NSD1: variants seen among roughly 807,000 people sequenced by gnomAD.
NSD1 encodes the protein histone-lysine N-methyltransferase, H3 lysine-36 specific.
A neutral mutation model predicts 242.7 loss-of-function variants in NSD1; 26 were observed. That is an observed-to-expected ratio of 0.11 (90% confidence interval 0.08 to 0.15). The LOEUF is 0.15. Among genes scored for constraint, NSD1 ranks in the 10% least tolerant of loss-of-function variants. NSD1 has a pLI of 1.00. For missense variants in NSD1, 2,495 were observed against 3,272.8 expected (o/e 0.76, Z 5.80); for synonymous variants, 1,106 against 1,178.1 (o/e 0.94, Z 1.25).
Position 177,256,563 on chromosome 5 carries a change from G to A in NSD1, c.4766-388G>A, listed in dbSNP as rs769452274. Among the ~76,000 whole-genome samples the A allele has an allele frequency of 2.2e-4, 33 of 152,198 alleles. 1 individual carries two copies. Among genetic ancestry groups the A allele is most frequent in the Non-Finnish European group, 1.0e-4 (7 of 68,032 alleles). On this transcript the variant is annotated intron_variant, in intron 12 of 22. Coordinates refer to ENST00000439151, the MANE Select transcript of NSD1 (RefSeq NM_022455.5). ...CTCCTGAAGTGCTGGGATTGTAGGCGTGAGCCTCCTCTCCCAGCCCAACTT... is the reference window on the plus strand; with the variant it reads ...CTCCTGAAGTGCTGGGATTGTAGGCATGAGCCTCCTCTCCCAGCCCAACTT...
intron 14 of NSD1, among the ~76,000 whole-genome samples, chr5:177,260,788 G>GA (rs547794452): frequency 1.3e-4 from 20 of 148,706 alleles, no homozygotes; most frequent in East Asian, 1.2e-3. Flanking sequence ...CTCACCATCA[G>GA]AAAAAAAAAA....
intron 17 of NSD1, 82 bp from the exon 18 acceptor site, chr5:177,280,483 G>GA (rs1562292565): frequency 2.6e-6 from 4 of 1,542,940 alleles, no homozygotes; most frequent in East Asian, 2.2e-5. Context: ...CAACTTCAAG[G>GA]AAAAAAAGTT....
chr5:177,148,743 A>G (rs1319088094), intron 2 of NSD1, among the ~76,000 whole-genome samples: 4 of 151,946 alleles, frequency 2.6e-5, no homozygotes, highest in Admixed American at 2.6e-4. Context: ...CAGTTTTATA[A>G]GAAACTACCA....
At chr5:177,283,630 G>A (rs1418287419) in intron 19 of NSD1, among the ~76,000 whole-genome samples, 157 bp from the exon 20 acceptor site, 1 of 152,154 alleles carries the variant, frequency 6.6e-6, no homozygotes, top group African/African-American at 2.4e-5. Flanking sequence ...GCTGGTCCAG[G>A]GATCACACTT....
At chr5:177,273,896 G>A in intron 17 of NSD1, 112 bp downstream of exon 17, 1 of 733,098 alleles carries the variant, frequency 1.4e-6, no homozygotes, top group Non-Finnish European at 2.4e-6. Context: ...TTTAGGTAGA[G>A]GTATGAGCTT....
At chr5:177,220,150 C>T (rs1364353716) in intron 5 of NSD1, among the ~76,000 whole-genome samples, 1 of 152,154 alleles carries the variant, frequency 6.6e-6, no homozygotes, top group Admixed American at 6.6e-5. Flanking sequence ...GTATTAAAAT[C>T]TCCTTGTGTT....
At chr5:177,212,789 C>T (rs1344699275) in intron 5 of NSD1, among the ~76,000 whole-genome samples, 1 of 151,526 alleles carries the variant, frequency 6.6e-6, no homozygotes, top group African/African-American at 2.4e-5. Flanking sequence ...TCTTAAGGCA[C>T]CCGCCACCAT....
intron 3 of NSD1, among the ~76,000 whole-genome samples, chr5:177,200,015 T>C (rs965570012): frequency 6.6e-6 from 1 of 152,218 alleles, no homozygotes; most frequent in Non-Finnish European, 1.5e-5. Context: ...CCACTAGGAA[T>C]GCATTGGTTC....
In NSD1 at chr5:177,235,860, A is replaced by G. The variant is rs1765400330; in HGVS notation, c.3836A>G (p.Lys1279Arg). The change falls in exon 6 of 23, where the codon AAG becomes AGG. Residue 1279 changes from lysine to arginine, a missense_variant. Around this residue, in one of 19 missense-constraint regions of NSD1, gnomAD observed 426 missense variants for 411.4 expected, o/e 1.04. Transcript: ENST00000439151. ...AAGAAACGCCTTAGGAAGCCAAGCA[A>G]GTGGCTTTTGGAATATACAGAAGAA... ...SEKKRLRKPS[K>R]WLLEYTEEYD... 1.2e-6 allele frequency: 2 copies of G among 1,613,862 alleles called. No individual in the cohort carries two copies. The highest frequency in any genetic ancestry group is 1.7e-5 in the Admixed American group (1 of 59,984).
chr5:177,242,017 T>G (rs981043492), intron 8 of NSD1, among the ~76,000 whole-genome samples: 2 of 152,178 alleles, frequency 1.3e-5, no homozygotes, highest in African/African-American at 4.8e-5. Context: ...AAGAAGTTCT[T>G]TGGTCTTTTT....
chr5:177,241,088 G>A (rs10050874), intron 8 of NSD1, among the ~76,000 whole-genome samples: 11,934 of 152,110 alleles, frequency 0.078, 978 homozygotes, highest in African/African-American at 0.21. Flanking sequence ...TGTGTTTTAG[G>A]AGTTTTTTGG....
chr5:177,277,820 G>A (rs1349189997), intron 17 of NSD1, among the ~76,000 whole-genome samples: 1 of 152,158 alleles, frequency 6.6e-6, no homozygotes, highest in African/African-American at 2.4e-5. Flanking sequence ...ACTCCAGTCT[G>A]GGGGACAGAG....
At chr5:177,225,371 G>A (rs1764555960) in intron 5 of NSD1, among the ~76,000 whole-genome samples, 1 of 152,076 alleles carries the variant, frequency 6.6e-6, no homozygotes, top group Admixed American at 6.6e-5. Flanking sequence ...TTGAACTCCT[G>A]ATCTCAAGTA....
At chr5:177,277,904 A>G (rs1280234751) in intron 17 of NSD1, among the ~76,000 whole-genome samples, 1 of 152,210 alleles carries the variant, frequency 6.6e-6, no homozygotes, top group East Asian at 1.9e-4. Context: ...CTTTATGTGT[A>G]TTTGGGAAGG....
At chr5:177,149,519 CAG>C (rs1335862510) in intron 2 of NSD1, among the ~76,000 whole-genome samples, 2 of 152,074 alleles carry the variant, frequency 1.3e-5, no homozygotes, top group African/African-American at 2.4e-5. Context: ...GGATTCCATG[CAG>C]AGAGAGTTTT....
chr5:177,207,118 G>A (rs1762934414), intron 4 of NSD1, among the ~76,000 whole-genome samples: 1 of 151,788 alleles, frequency 6.6e-6, no homozygotes, highest in Admixed American at 6.6e-5. Flanking sequence ...TGTATTTTTA[G>A]TAGAGACAGG....
intron 17 of NSD1, among the ~76,000 whole-genome samples, chr5:177,276,558 T>C (rs1391483420): frequency 1.3e-5 from 2 of 152,164 alleles, no homozygotes; most frequent in African/African-American, 2.4e-5. Context: ...ACTCCTGACC[T>C]CAGGTGATCT....
At chr5:177,265,894 G>A in intron 14 of NSD1, 1 of 1,472,538 alleles carries the variant, frequency 6.8e-7, no homozygotes, top group East Asian at 2.3e-5. Context: ...GGGAGGTGAA[G>A]GTCAGGTCTT....
rs1562309942 is a variant in NSD1 at position 177,294,503 on chromosome 5, T to C, written c.7135T>C (p.Ser2379Pro). The change falls in exon 23 of 23, where the codon TCA (serine) becomes CCA (proline). Residue 2379 changes from serine (S) to proline (P), a missense_variant. Physicochemically the swap from Ser to Pro is moderately conservative, Grantham distance 74 (BLOSUM62 -1). Transcript: ENST00000439151. The part of the protein sequence containing the change: ...SPRPQSLEKT[S>P]VPTGLRLPPP... ...AAGGCCCCAGTCACTGGAGAAAACC[T>C]CAGTTCCCACTGGCCTGAGACTTCC... is the stretch of plus-strand genomic sequence containing the variant. 4 of 1,613,952 alleles carry C rather than the reference T, an allele frequency of 2.5e-6. No individual in the cohort carries two copies. The highest frequency in any genetic ancestry group is 3.4e-6 in the Non-Finnish European group (4 of 1,180,024).
Sources: allele counts gnomAD v4.1 joint callset (sites outside exome capture counted in the v4.1 genomes callset), GRCh38; gene constraint gnomAD v4.1.1; regional missense constraint gnomAD v4.1.1; transcripts MANE v1.5; gene names NCBI Gene and HGNC (gene_info 2026-07-23, HGNC 2026-07-21).